Variants in EPB41L1 observed in about 807,000 individuals in gnomAD.
The protein encoded by EPB41L1 is band 4.1-like protein 1.
A neutral mutation model predicts 97.8 loss-of-function variants in EPB41L1; 29 were observed. That is an observed-to-expected ratio of 0.30 (90% CI 0.22 to 0.40). EPB41L1 has a LOEUF of 0.40. Among genes scored for constraint, EPB41L1 ranks in the 10% least tolerant of loss-of-function variants. EPB41L1 has a pLI of 1.00. For synonymous variants in EPB41L1, 383 were observed against 459.2 expected, an observed-to-expected ratio of 0.83 and a Z score of 2.12; for missense variants, 812 against 1,162.3, an observed-to-expected ratio of 0.70 and a Z score of 4.38.
chr20:36,222,845 G>A (rs1268086271), intron 21 of EPB41L1, among the ~76,000 whole-genome samples: 2 of 152,134 alleles, frequency 1.3e-5, no homozygotes, highest in African/African-American at 4.8e-5. Flanking sequence ...ACTGAATGTT[G>A]TTAAGGGGCC....
intron 17 of EPB41L1, among the ~76,000 whole-genome samples, chr20:36,214,895 G>C (rs2063351500): frequency 6.6e-6 from 1 of 151,694 alleles, no homozygotes; most frequent in African/African-American, 2.4e-5. Context: ...ACCCTAAGTT[G>C]GAACCAGGAT....
chr20:36,215,722 T>C (rs1477533117), intron 17 of EPB41L1, among the ~76,000 whole-genome samples: 1 of 152,190 alleles, frequency 6.6e-6, no homozygotes. Context: ...CATCCATCTA[T>C]TCATTCATTT....
At chr20:36,139,810 C>A (rs143565058) in intron 2 of EPB41L1, among the ~76,000 whole-genome samples, 2 of 152,108 alleles carry the variant, frequency 1.3e-5, no homozygotes, top group African/African-American at 4.8e-5. Flanking sequence ...GGGCTCACCG[C>A]AACCTCTGCC....
chr20:36,107,501 G>A (rs1350386799), intron 1 of EPB41L1, among the ~76,000 whole-genome samples: 9 of 149,700 alleles, frequency 6.0e-5, no homozygotes, highest in African/African-American at 1.7e-4. Flanking sequence ...TTACAGGTGT[G>A]AGCCACCGTG....
intron 15 of EPB41L1, among the ~76,000 whole-genome samples, chr20:36,211,044 G>T (rs1203757833): frequency 6.6e-6 from 1 of 152,062 alleles, no homozygotes; most frequent in African/African-American, 2.4e-5. Context: ...CTGCACTCCA[G>T]CCCGGGCGAC....
chr20:36,214,404 T>G lies in EPB41L1; in HGVS notation c.2232T>G (p.Thr744=). The G allele has an allele frequency of 6.2e-7, 1 of 1,613,706 alleles. No individual in the cohort carries two copies. The highest frequency in any genetic ancestry group is 8.5e-7 in the Non-Finnish European group (1 of 1,179,954). Residue 744 remains threonine, a synonymous_variant, in exon 17 of 22, where the codon ACT becomes ACG. Transcript: ENST00000338074. ...TGGGGAGGGAGTTCATAGCAACCAC[T>G]CCCTCCATCACCACGGAGACCATAT... is the stretch of plus-strand genomic sequence containing the variant. ...ASVGREFIAT[T]PSITTETIST... is the part of the protein sequence containing the mutation.
Position 36,113,483 on chromosome 20 carries a change from G to A in EPB41L1, c.-10+1003G>A, listed in dbSNP as rs989351159. Among the ~76,000 whole-genome samples, 15 of 151,208 alleles carry A rather than the reference G, an allele frequency of 9.9e-5. 1 individual carries two copies. Among genetic ancestry groups the A allele is most frequent in the East Asian group, 5.8e-4 (3 of 5,152 alleles). On this transcript the variant is annotated intron_variant, in intron 2 of 19. Transcript: ENST00000202028. ...ACATGTGTGTGCACCTGTAGGGAGC[G>A]GGAACTATGGGGAATGAAGTGTGGC...
chr20:36,115,373 C>A (rs1004866200), intron 2 of EPB41L1, among the ~76,000 whole-genome samples: 2 of 152,234 alleles, frequency 1.3e-5, no homozygotes, highest in East Asian at 3.9e-4. Flanking sequence ...AGCCCAGTTC[C>A]AGGTTGCACT....
chr20:36,214,579 C>T, intron 17 of EPB41L1, 139 bp downstream of exon 17: 4 of 737,420 alleles, frequency 5.4e-6, no homozygotes, highest in Non-Finnish European at 9.4e-6. Context: ...CATAAGTCAG[C>T]TGTTTATTAT....
intron 13 of EPB41L1, chr20:36,197,516 C>G: frequency 4.5e-6 from 2 of 440,722 alleles, no homozygotes; most frequent in Non-Finnish European, 6.0e-6. Context: ...TGACTAAGAC[C>G]GGGCTTATAG....
chr20:36,161,174 C>A (rs1423407737), intron 1 of EPB41L1, among the ~76,000 whole-genome samples: 1 of 152,162 alleles, frequency 6.6e-6, no homozygotes, highest in Non-Finnish European at 1.5e-5. Context: ...CAGGGAAAGA[C>A]CCTTTCTTTC....
chr20:36,146,682 A>C (rs1416236961), intron 2 of EPB41L1, among the ~76,000 whole-genome samples: 2 of 152,202 alleles, frequency 1.3e-5, no homozygotes, highest in African/African-American at 4.8e-5. Flanking sequence ...AGCTTCTGGA[A>C]GTGAAGTGCT....
intron 21 of EPB41L1, among the ~76,000 whole-genome samples, chr20:36,226,711 A>G (rs2064176168): frequency 6.6e-6 from 1 of 152,206 alleles, no homozygotes; most frequent in South Asian, 2.1e-4. Flanking sequence ...GAAATAGGCT[A>G]ACAAAATGCT....
rs767215330 is a variant in EPB41L1 at position 36,207,685 on chromosome 20, A to G, written c.1669-1803A>G. ...GGCTACCAGACACTTCAGGGAGGAC[A>G]CTTCTGCATCCTACCAGGAAGCACA... On this transcript the variant is annotated intron_variant, in intron 14 of 21. Coordinates refer to ENST00000338074, the MANE Select transcript of EPB41L1 (RefSeq NM_012156.2). This position sits in a 1 kb window ranked among gnomAD's most constrained non-coding sequence, Gnocchi z 4.9. 17 of 1,289,980 alleles carry G rather than the reference A, an allele frequency of 1.3e-5. No individual in the cohort carries two copies. In the South Asian group the frequency reaches 2.0e-4, roughly 15 times the overall value. 79.9% of individuals were successfully genotyped at this position (1,289,980 alleles called of 1,614,324 possible). A position where few individuals can be genotyped will look rare whatever the true frequency, so the allele number is the denominator to read the frequency against.
chr20:36,153,047 CA>C (rs772777680), upstream of EPB41L1: 143 of 456,710 alleles, frequency 3.1e-4, 1 homozygote, highest in Non-Finnish European at 5.1e-4. Flanking sequence ...ACCTGGTGAG[CA>C]GGGGGAGTGA....
At position 36,182,360 on chromosome 20, in the gene EPB41L1, G is replaced by T. The variant is rs76232429; in HGVS notation, c.566+13G>T. 4.6e-4 allele frequency: 740 copies of T among 1,613,858 alleles called. 4 individuals carry two copies. The African/African-American group carries it at 8.9e-3, about 20-fold the overall frequency. Reference sequence around the variant, plus strand: ...AAGACATCACAAGGTGAGGGCTGTGGAGGGAGAGACAGGTGTGCTGGCTGT... The same window carrying T: ...AAGACATCACAAGGTGAGGGCTGTGTAGGGAGAGACAGGTGTGCTGGCTGT... On this transcript the variant is annotated intron_variant, in intron 6 of 21. Transcript: ENST00000338074.
chr20:36,184,252 A>G (rs1003701149), intron 6 of EPB41L1, among the ~76,000 whole-genome samples: 2 of 152,168 alleles, frequency 1.3e-5, no homozygotes, highest in African/African-American at 2.4e-5. Flanking sequence ...GAAAAAAAGA[A>G]AAAGAAATAG....
At chr20:36,211,823 C>T (rs112499823) in intron 15 of EPB41L1, among the ~76,000 whole-genome samples, 3,118 of 152,188 alleles carry the variant, frequency 0.02, 75 homozygotes, top group African/African-American at 0.058. Context: ...CATCGCACTC[C>T]AGCCTGGGCG....
At chr20:36,116,884 T>C (rs2058601466) in intron 2 of EPB41L1, among the ~76,000 whole-genome samples, 1 of 152,188 alleles carries the variant, frequency 6.6e-6, no homozygotes, top group South Asian at 2.1e-4. Flanking sequence ...TAGTGCTAGG[T>C]GCTCTCTCAG....
Sources: allele counts gnomAD v4.1 joint callset (sites outside exome capture counted in the v4.1 genomes callset), GRCh38; gene constraint gnomAD v4.1.1; non-coding constraint Gnocchi (gnomAD v3.1); transcripts MANE v1.5; gene names NCBI Gene and HGNC (gene_info 2026-07-23, HGNC 2026-07-21).